TRPC7: variants seen among roughly 807,000 people sequenced by gnomAD.
The protein encoded by TRPC7 is transient receptor potential cation channel subfamily C member 7, also known as short transient receptor potential channel 7.
TRPC7 carries 42 observed loss-of-function variants against 90.1 expected under a neutral mutation model. The ratio of observed to expected loss-of-function variants is 0.47; its 90% CI spans 0.36 to 0.60. TRPC7 has a LOEUF of 0.60. TRPC7 is among the 20% of genes least tolerant of loss of function. TRPC7 has a pLI of 0.00. For missense variants in TRPC7, 955 were observed against 1,112.3 expected, an observed-to-expected ratio of 0.86 and a Z score of 2.01; for synonymous variants, 451 against 436.3, an observed-to-expected ratio of 1.03 and a Z score of -0.42.
intron 2 of TRPC7, among the ~76,000 whole-genome samples, chr5:136,326,864 G>A (rs1369662733): frequency 6.6e-6 from 1 of 152,160 alleles, no homozygotes; most frequent in Non-Finnish European, 1.5e-5. Context: ...ATGAAAGGAA[G>A]ACAGGACTTT....
At chr5:136,335,655 G>A (rs1036379125) in intron 2 of TRPC7, among the ~76,000 whole-genome samples, 1 of 151,914 alleles carries the variant, frequency 6.6e-6, no homozygotes, top group Non-Finnish European at 1.5e-5. Context: ...TGTAATCCCA[G>A]CACTTTGGGA....
At chr5:136,246,951 G>A (rs570482349) in intron 7 of TRPC7, among the ~76,000 whole-genome samples, 16 of 152,120 alleles carry the variant, frequency 1.1e-4, no homozygotes, top group Non-Finnish European at 2.1e-4. Context: ...AAGAATACTC[G>A]CCAGCATGCT....
chr5:136,347,961 C>G (rs1760064301), intron 2 of TRPC7, among the ~76,000 whole-genome samples: 1 of 152,240 alleles, frequency 6.6e-6, no homozygotes. Flanking sequence ...TGCGCTGTGG[C>G]TTCATCTGCA....
At chr5:136,251,002 C>CT (rs1330904464) in intron 6 of TRPC7, among the ~76,000 whole-genome samples, 1 of 152,024 alleles carries the variant, frequency 6.6e-6, no homozygotes, top group Non-Finnish European at 1.5e-5. Context: ...AAGAAGGACC[C>CT]TTTTTTGCCG....
At chr5:136,264,461 A>C (rs1756958750) in intron 5 of TRPC7, among the ~76,000 whole-genome samples, 1 of 152,190 alleles carries the variant, frequency 6.6e-6, no homozygotes, top group African/African-American at 2.4e-5. Context: ...TGTACTAGGG[A>C]GAACTGGGAT....
intron 7 of TRPC7, among the ~76,000 whole-genome samples, chr5:136,232,393 G>A (rs916850158): frequency 6.6e-6 from 1 of 152,130 alleles, no homozygotes; most frequent in Non-Finnish European, 1.5e-5. Context: ...GCTCTGTGGC[G>A]GGCTCTCATA....
intron 2 of TRPC7, among the ~76,000 whole-genome samples, chr5:136,336,160 GAGA>G (rs1759654644): frequency 6.6e-6 from 1 of 152,052 alleles, no homozygotes; most frequent in Admixed American, 6.6e-5. Context: ...TGTCTCTTCT[GAGA>G]AGCTTTCTCT....
At chr5:136,365,033 G>A (rs1760678768) in intron 1 of TRPC7, among the ~76,000 whole-genome samples, 1 of 150,870 alleles carries the variant, frequency 6.6e-6, no homozygotes, top group African/African-American at 2.4e-5. Context: ...TGAGTTGTCC[G>A]TTTCTAAATG....
At chr5:136,307,684 G>C (rs1758686743) in intron 3 of TRPC7, among the ~76,000 whole-genome samples, 1 of 152,192 alleles carries the variant, frequency 6.6e-6, no homozygotes, top group Admixed American at 6.5e-5. Flanking sequence ...GCTGGGGGTA[G>C]GGTGCTACTG....
In TRPC7 at chr5:136,226,264, C is replaced by A. The variant is rs747719435; in HGVS notation, c.2041-9G>T. On this transcript the variant is annotated splice_polypyrimidine_tract_variant and intron_variant, in intron 8 of 11. Transcript: ENST00000513104. Reference sequence around the variant, plus strand: ...TCCACATCTGCATCCTCCTGTGGAACAAGGGAAACAACAACACACCCTCAA... The same window carrying A: ...TCCACATCTGCATCCTCCTGTGGAAAAAGGGAAACAACAACACACCCTCAA... The A allele has an allele frequency of 4.5e-6, 7 of 1,547,428 alleles. No individual in the cohort carries two copies. The African/African-American group carries it at 5.5e-5, about 12-fold the overall frequency.
chr5:136,353,126 A>G (rs1188273018), intron 2 of TRPC7, among the ~76,000 whole-genome samples: 1 of 152,236 alleles, frequency 6.6e-6, no homozygotes, highest in Non-Finnish European at 1.5e-5. Flanking sequence ...TTAGAGAGAC[A>G]TAAGAAAATC....
intron 2 of TRPC7, among the ~76,000 whole-genome samples, chr5:136,352,903 C>T (rs141348771): frequency 7.2e-5 from 11 of 152,320 alleles, no homozygotes; most frequent in Admixed American, 1.3e-4. Flanking sequence ...ATCCATCAAA[C>T]GCCGCTATTA....
chr5:136,323,171 A>G (rs986581684), intron 2 of TRPC7, among the ~76,000 whole-genome samples: 1 of 152,174 alleles, frequency 6.6e-6, no homozygotes, highest in African/African-American at 2.4e-5. Context: ...AACCCCTTTC[A>G]CTTGGCTCTC....
In TRPC7 at chr5:136,308,180, G is replaced by T. The variant is rs138939301; in HGVS notation, c.963+7417C>A. Among the ~76,000 whole-genome samples, 626 of 152,346 alleles carry T rather than the reference G, an allele frequency of 4.1e-3. 1 individual carries two copies. Among genetic ancestry groups the T allele is most frequent in the African/African-American group, 0.012 (484 of 41,584 alleles). On this transcript the variant is annotated intron_variant, in intron 3 of 11. Coordinates refer to ENST00000513104, the MANE Select transcript of TRPC7 (RefSeq NM_020389.3). ...CTGGAATTCTTCTTTCTCTTCGGAA[G>T]ATTTGCTTCTTGAGAAAACAAAACT...
intron 5 of TRPC7, among the ~76,000 whole-genome samples, chr5:136,258,873 G>C (rs1332888994): frequency 6.6e-6 from 1 of 152,156 alleles, no homozygotes; most frequent in Non-Finnish European, 1.5e-5. Context: ...TCTCACCATT[G>C]GTCCCCAGTT....
Position 136,353,128 on chromosome 5 carries a change from A to G in TRPC7, c.780+3480T>C, listed in dbSNP as rs563469807. ...TCTAGATCCAAGATTAGAGAGACATAAGAAAATCCTTGAACAGCTACATGA... is the reference window on the plus strand; with the variant it reads ...TCTAGATCCAAGATTAGAGAGACATGAGAAAATCCTTGAACAGCTACATGA... On this transcript the variant is annotated intron_variant, in intron 2 of 11. Transcript: ENST00000513104. Among the ~76,000 whole-genome samples the G allele has an allele frequency of 3.9e-5, 6 of 152,340 alleles. No individual in the cohort carries two copies. In the South Asian group the frequency reaches 1.2e-3, roughly 32 times the overall value.
At chr5:136,268,539 A>AG (rs1430130629) in intron 4 of TRPC7, among the ~76,000 whole-genome samples, 1 of 152,218 alleles carries the variant, frequency 6.6e-6, no homozygotes, top group Non-Finnish European at 1.5e-5. Flanking sequence ...CTTCTCACCC[A>AG]GGTGAGGCAC....
intron 3 of TRPC7, among the ~76,000 whole-genome samples, chr5:136,310,982 T>C (rs1274340566): frequency 6.6e-6 from 1 of 152,172 alleles, no homozygotes; most frequent in Non-Finnish European, 1.5e-5. Flanking sequence ...CTTTCTGCCA[T>C]GAAGTAATAT....
At chr5:136,333,171 G>T (rs1256980733) in intron 2 of TRPC7, among the ~76,000 whole-genome samples, 2 of 152,210 alleles carry the variant, frequency 1.3e-5, no homozygotes, top group African/African-American at 4.8e-5. Context: ...AGGAAGGTAG[G>T]CTCAGTGCTT....
Sources: gnomAD v4.1 joint callset for allele counts (sites outside exome capture counted in the v4.1 genomes callset) on GRCh38, gnomAD v4.1.1 for gene constraint, MANE v1.5 for transcripts, NCBI Gene and HGNC (gene_info 2026-07-23, HGNC 2026-07-21) for gene names.